The following HPSE2 variants were observed in gnomAD, a reference collection of about 807,000 sequenced individuals.
The protein encoded by HPSE2 is heparanase 2 (inactive).
In HPSE2, 38 loss-of-function variants were observed where a neutral mutation model predicts 60.5. The ratio of observed to expected loss-of-function variants is 0.63; its 90% CI spans 0.48 to 0.82. The LOEUF (loss-of-function observed/expected upper bound fraction) is 0.82. Among genes scored for constraint, HPSE2 ranks in the 40% least tolerant of loss-of-function variants. The probability of loss-of-function intolerance (pLI) is 0.00; values close to 1 mark genes in which losing one functional copy is unlikely to be tolerated. For synonymous variants in HPSE2, 295 were observed against 293.2 expected (o/e 1.01, Z -0.06); for missense variants, 713 against 740.4 (o/e 0.96, Z 0.43).
chr10:98,744,196 A>C, intron 3 of HPSE2, 140 bp from the exon 4 acceptor site: 4 of 819,790 alleles, frequency 4.9e-6, no homozygotes, highest in Non-Finnish European at 8.0e-6. Flanking sequence ...AGGGACTATT[A>C]CCTTTTGGTC....
intron 2 of HPSE2, among the ~76,000 whole-genome samples, chr10:99,165,038 G>A (rs1210160599): frequency 3.0e-5 from 4 of 134,380 alleles, no homozygotes; most frequent in Non-Finnish European, 4.6e-5. Flanking sequence ...AGCCAAGATC[G>A]CGCCACTACA....
intron 3 of HPSE2, among the ~76,000 whole-genome samples, chr10:99,108,139 C>T (rs1487272883): frequency 6.6e-6 from 1 of 152,028 alleles, no homozygotes; most frequent in Non-Finnish European, 1.5e-5. Flanking sequence ...GCCTGGAAAG[C>T]AAAGATACTG....
intron 3 of HPSE2, among the ~76,000 whole-genome samples, chr10:98,806,023 G>T (rs1257964754): frequency 2.6e-5 from 4 of 152,164 alleles, no homozygotes; most frequent in Admixed American, 6.5e-5. Flanking sequence ...AATTTAAATA[G>T]TCGACTGAAT....
intron 2 of HPSE2, among the ~76,000 whole-genome samples, chr10:99,158,001 A>G (rs927740237): frequency 5.5e-5 from 8 of 145,030 alleles, no homozygotes; most frequent in Non-Finnish European, 1.1e-4. Flanking sequence ...CACATGAAAA[A>G]ATGCTCATCA....
intron 3 of HPSE2, among the ~76,000 whole-genome samples, chr10:98,910,872 T>C (rs1423280451): frequency 1.3e-5 from 2 of 152,212 alleles, no homozygotes; most frequent in Non-Finnish European, 2.9e-5. Context: ...AGACTTCCTC[T>C]AAGATCTTGC....
chr10:98,726,235 C>G (rs892367961), intron 4 of HPSE2, among the ~76,000 whole-genome samples: 10 of 152,174 alleles, frequency 6.6e-5, no homozygotes, highest in Middle Eastern at 3.4e-3. Context: ...GGAACCCACC[C>G]AAATGTCCAA....
chr10:98,756,499 C>T (rs909339066), intron 3 of HPSE2, among the ~76,000 whole-genome samples: 4 of 151,916 alleles, frequency 2.6e-5, no homozygotes, highest in Non-Finnish European at 5.9e-5. Context: ...TACCACTGAA[C>T]CTACAGAAAT....
At chr10:99,186,426 C>T (rs1018426176) in intron 2 of HPSE2, among the ~76,000 whole-genome samples, 1 of 150,852 alleles carries the variant, frequency 6.6e-6, no homozygotes, top group Non-Finnish European at 1.5e-5. Context: ...GCCTGTAGTC[C>T]GAGCTACTCA....
intron 3 of HPSE2, among the ~76,000 whole-genome samples, chr10:98,776,766 G>T (rs555567652): frequency 1.9e-4 from 29 of 152,186 alleles, no homozygotes; most frequent in Non-Finnish European, 3.2e-4. Flanking sequence ...ACACATTATT[G>T]AATAATTAGG....
intron 3 of HPSE2, among the ~76,000 whole-genome samples, chr10:98,781,261 A>G (rs1396665647): frequency 6.6e-6 from 1 of 151,508 alleles, no homozygotes; most frequent in African/African-American, 2.4e-5. Flanking sequence ...TGCCCCTATG[A>G]AAGAAAAACA....
At chr10:98,543,813 A>T (rs924090653) in intron 9 of HPSE2, among the ~76,000 whole-genome samples, 1 of 152,202 alleles carries the variant, frequency 6.6e-6, no homozygotes, top group Non-Finnish European at 1.5e-5. Flanking sequence ...ATACAGGAGC[A>T]CCCAGATTCA....
intron 9 of HPSE2, among the ~76,000 whole-genome samples, chr10:98,558,480 A>G (rs1158926920): frequency 6.6e-6 from 1 of 152,244 alleles, no homozygotes; most frequent in Non-Finnish European, 1.5e-5. Context: ...CTTCCCACAA[A>G]TATAATGTTG....
chr10:98,735,914 T>C (rs539045691), intron 4 of HPSE2, among the ~76,000 whole-genome samples: 34 of 152,266 alleles, frequency 2.2e-4, no homozygotes, highest in African/African-American at 7.9e-4. Context: ...CTGTGTACTT[T>C]TGAGTTAATG....
At chr10:98,481,319 G>C (rs1941225952) in intron 11 of HPSE2, among the ~76,000 whole-genome samples, 1 of 152,138 alleles carries the variant, frequency 6.6e-6, no homozygotes, top group African/African-American at 2.4e-5. Context: ...CTTGAAATCT[G>C]AAGATTAGGA....
chr10:98,550,743 G>A (rs1052099684), intron 9 of HPSE2, among the ~76,000 whole-genome samples: 1 of 151,976 alleles, frequency 6.6e-6, no homozygotes, highest in Non-Finnish European at 1.5e-5. Context: ...CAAAGTGCTG[G>A]AATTACAGGT....
At position 99,124,648 on chromosome 10, in the gene HPSE2, T is replaced by C. The variant is rs549025593; in HGVS notation, c.610+19590A>G. 2.9e-4 allele frequency among the ~76,000 whole-genome samples: 44 copies of C among 152,364 alleles called. 1 individual carries two copies. In the South Asian group the frequency reaches 7.9e-3, roughly 27 times the overall value. On this transcript the variant is annotated intron_variant, in intron 3 of 11. Transcript: ENST00000370552. ...AGCCAGGTTGCAACAGTACCCAGGC[T>C]TGGCCTCAACTTTGCTCCAAAATTG...
chr10:98,625,929 C>T (rs373008360), intron 7 of HPSE2, among the ~76,000 whole-genome samples: 1 of 151,978 alleles, frequency 6.6e-6, no homozygotes, highest in Non-Finnish European at 1.5e-5. Flanking sequence ...GGTGAAACCC[C>T]GTTTCTACTA....
intron 3 of HPSE2, among the ~76,000 whole-genome samples, chr10:98,939,737 A>T (rs1333992365): frequency 6.9e-6 from 1 of 144,148 alleles, no homozygotes; most frequent in East Asian, 2.0e-4. Context: ...CAGACCTAAT[A>T]GACATCCACA....
At chr10:99,178,747 G>C (rs577749697) in intron 2 of HPSE2, among the ~76,000 whole-genome samples, 103 of 152,176 alleles carry the variant, frequency 6.8e-4, no homozygotes, top group African/African-American at 2.4e-3. Context: ...GAAAAAGAGG[G>C]AATCCTCCCT....
Sources: gnomAD v4.1 joint callset for allele counts (sites outside exome capture counted in the v4.1 genomes callset) on GRCh38, gnomAD v4.1.1 for gene constraint, MANE v1.5 for transcripts, NCBI Gene and HGNC (gene_info 2026-07-23, HGNC 2026-07-21) for gene names.